ABTB2: variants seen among roughly 807,000 people sequenced by gnomAD.
ABTB2 encodes the protein ankyrin repeat and BTB/POZ domain-containing protein 2.
Under a neutral mutation model 104.1 loss-of-function variants are expected in ABTB2, and 56 were observed. The observed-to-expected ratio is 0.54, with a 90% CI of 0.43 to 0.67. ABTB2 has a LOEUF of 0.67. Ranked by LOEUF, ABTB2 falls within the 30% of genes least tolerant of loss-of-function variation. The pLI is 0.00. For missense variants in ABTB2, 1,279 were observed against 1,407.7 expected (o/e 0.91, Z 1.46); for synonymous variants, 606 against 608.2 (o/e 1.00, Z 0.05).
At position 34,160,251 on chromosome 11, in the gene ABTB2, G is replaced by T. The variant is rs1346236894; in HGVS notation, c.2500C>A (p.Leu834Ile). The part of the protein sequence containing the change: ...PEIRKTLPAR[L>I]DPHFLNNKEM... ...GGCGCAGGGGGCGCGCCTTCACCTA[G>T]CCTGGCCGGCAGGGTCTTCCGGATC... The change falls in exon 12 of 17, where the codon CTA (leucine) becomes ATA (isoleucine). Residue 834 changes from leucine to isoleucine, a missense_variant. Transcript: ENST00000435224. The T allele has an allele frequency of 6.2e-7, 1 of 1,613,308 alleles. No homozygotes were observed.
At chr11:34,269,843 T>A (rs987234569) in intron 1 of ABTB2, among the ~76,000 whole-genome samples, 4 of 152,252 alleles carry the variant, frequency 2.6e-5, no homozygotes, top group African/African-American at 9.6e-5. Context: ...TCACACCACC[T>A]AATTTTTCAA....
chr11:34,187,946 T>C (rs185885005), intron 3 of ABTB2, among the ~76,000 whole-genome samples: 3 of 152,372 alleles, frequency 2.0e-5, no homozygotes, highest in African/African-American at 7.2e-5. Flanking sequence ...TGCTTGTTCA[T>C]TGAACACAAC....
chr11:34,261,934 G>A (rs1434694473), intron 1 of ABTB2, among the ~76,000 whole-genome samples: 1 of 152,178 alleles, frequency 6.6e-6, no homozygotes, highest in African/African-American at 2.4e-5. Flanking sequence ...ATTTCTGGAG[G>A]ACAGCAGGAC....
intron 1 of ABTB2, among the ~76,000 whole-genome samples, chr11:34,332,943 C>T (rs1165835186): frequency 6.6e-6 from 1 of 152,148 alleles, no homozygotes; most frequent in South Asian, 2.1e-4. Context: ...TGGGGAAATG[C>T]CTGCTTCGTC....
chr11:34,197,604 G>A, intron 2 of ABTB2, 66 bp from the exon 3 acceptor site: 2 of 1,141,014 alleles, frequency 1.8e-6, no homozygotes, highest in South Asian at 1.5e-5. Context: ...TGAGTTCACA[G>A]CCTGCATTCT....
chr11:34,302,147 T>C (rs1854714496), intron 1 of ABTB2, among the ~76,000 whole-genome samples: 1 of 152,214 alleles, frequency 6.6e-6, no homozygotes, highest in Admixed American at 6.5e-5. Context: ...TGTATGCTTT[T>C]ACAGAACTGG....
chr11:34,159,440 G>A (rs1852676353), intron 13 of ABTB2, 54 bp from the exon 14 acceptor site: 1 of 1,177,392 alleles, frequency 8.5e-7, no homozygotes, highest in African/African-American at 1.5e-5. Context: ...CTTCACCACT[G>A]TGTGGCGATG....
intron 2 of ABTB2, among the ~76,000 whole-genome samples, chr11:34,202,752 A>G (rs1853359947): frequency 6.6e-6 from 1 of 152,180 alleles, no homozygotes; most frequent in Non-Finnish European, 1.5e-5. Flanking sequence ...AGGCAGGAGA[A>G]TCTCTTGAAT....
chr11:34,282,145 G>T (rs1167465133), intron 1 of ABTB2, among the ~76,000 whole-genome samples: 1 of 152,136 alleles, frequency 6.6e-6, no homozygotes, highest in East Asian at 1.9e-4. Context: ...CTTTCTCCCT[G>T]CATCCTCACA....
At chr11:34,284,209 C>T (rs751406474) in intron 1 of ABTB2, among the ~76,000 whole-genome samples, 2 of 152,230 alleles carry the variant, frequency 1.3e-5, no homozygotes, top group Non-Finnish European at 2.9e-5. Context: ...GGATGCTCAG[C>T]TGAACTGAGA....
chr11:34,186,442 G>A (rs994347367), intron 3 of ABTB2, among the ~76,000 whole-genome samples: 3 of 152,180 alleles, frequency 2.0e-5, no homozygotes, highest in Admixed American at 6.5e-5. Context: ...CTCCAGCTTC[G>A]CCTCGGAAGC....
At chr11:34,328,898 T>A (rs541460964) in intron 1 of ABTB2, among the ~76,000 whole-genome samples, 14 of 152,176 alleles carry the variant, frequency 9.2e-5, no homozygotes, top group Admixed American at 5.2e-4. Flanking sequence ...ATCTACGAGA[T>A]GAACTTTTCA....
At chr11:34,242,831 C>T (rs1248394290) in intron 1 of ABTB2, among the ~76,000 whole-genome samples, 2 of 152,176 alleles carry the variant, frequency 1.3e-5, no homozygotes, top group African/African-American at 4.8e-5. Flanking sequence ...AGGACAGGCA[C>T]AGTCCTTGTC....
chr11:34,229,438 A>C (rs1372675273), intron 1 of ABTB2, among the ~76,000 whole-genome samples: 1 of 148,834 alleles, frequency 6.7e-6, no homozygotes, highest in Non-Finnish European at 1.5e-5. Flanking sequence ...CAGAGATCGC[A>C]CCACTGCACT....
intron 1 of ABTB2, among the ~76,000 whole-genome samples, chr11:34,256,141 C>T (rs1854119747): frequency 7.5e-6 from 1 of 133,412 alleles, no homozygotes; most frequent in Non-Finnish European, 1.6e-5. Flanking sequence ...TCCACACTGC[C>T]GTCGGTTTTA....
In ABTB2 at chr11:34,160,054, G is replaced by C. The variant is rs750809554; in HGVS notation, c.2504-46C>G. 15 of 1,517,116 alleles carry C rather than the reference G, an allele frequency of 9.9e-6. No individual in the cohort carries two copies. The African/African-American group carries it at 1.4e-4, about 14-fold the overall frequency. 94.0% of individuals were successfully genotyped at this position (1,517,116 alleles called of 1,614,324 possible). On this transcript the variant is annotated intron_variant, in intron 12 of 16. Coordinates refer to ENST00000435224, the MANE Select transcript of ABTB2 (RefSeq NM_145804.3). ...GAGGGATATGGCTGAGGAGTCCCCT[G>C]CTGGGGTTTGCTTGAGTGTGCTGTG...
intron 2 of ABTB2, among the ~76,000 whole-genome samples, chr11:34,199,853 G>A (rs539093089): frequency 1.3e-5 from 2 of 152,194 alleles, no homozygotes; most frequent in Non-Finnish European, 2.9e-5. Context: ...TGGTAGGGCT[G>A]AACATAGCAC....
intron 1 of ABTB2, among the ~76,000 whole-genome samples, chr11:34,292,157 C>T (rs1356863847): frequency 6.6e-6 from 1 of 152,072 alleles, no homozygotes; most frequent in Non-Finnish European, 1.5e-5. Context: ...TGGCCTAAGT[C>T]CCCTGGATCC....
chr11:34,260,892 T>C (rs1854180820), intron 1 of ABTB2, among the ~76,000 whole-genome samples: 1 of 152,012 alleles, frequency 6.6e-6, no homozygotes. Flanking sequence ...AAATGACACT[T>C]TCTAAGGCTG....
Sources: allele counts gnomAD v4.1 joint callset (sites outside exome capture counted in the v4.1 genomes callset), GRCh38; gene constraint gnomAD v4.1.1; transcripts MANE v1.5; gene names NCBI Gene and HGNC (gene_info 2026-07-23, HGNC 2026-07-21).